The following GTF2IRD1 variants were observed in gnomAD, a reference collection of about 807,000 sequenced individuals.
GTF2IRD1 encodes the protein general transcription factor II-I repeat domain-containing protein 1.
In GTF2IRD1, 26 loss-of-function variants were observed where a neutral mutation model predicts 113.2. The ratio of observed to expected loss-of-function variants is 0.23; its 90% CI spans 0.17 to 0.32. The LOEUF (loss-of-function observed/expected upper bound fraction) is 0.32, where lower values mean the gene tolerates loss of function less well. Ranked by LOEUF, GTF2IRD1 falls within the 10% of genes least tolerant of loss-of-function variation. The pLI, the probability that GTF2IRD1 is intolerant of heterozygous loss-of-function variation, is 1.00. For missense variants in GTF2IRD1, 864 were observed against 1,280.8 expected, an observed-to-expected ratio of 0.67 and a Z score of 4.97; for synonymous variants, 484 against 529.1, an observed-to-expected ratio of 0.91 and a Z score of 1.17.
At position 74,512,805 on chromosome 7, in the gene GTF2IRD1, C is replaced by T; in HGVS notation, c.124-25C>T. On this transcript the variant is annotated intron_variant, in intron 2 of 26. Coordinates refer to ENST00000424337, the MANE Select transcript of GTF2IRD1 (RefSeq NM_005685.4). The surrounding 1 kb of genome is among the most constrained non-coding windows in gnomAD (Gnocchi z 4.4). ...GTTCGGAGTATGGGGAGCCCTTCCG[C>T]TCACACAGCCTGCCCTTCCCACAGT... 1 of 1,611,470 alleles carries T rather than the reference C, an allele frequency of 6.2e-7. No individual in the cohort carries two copies. The highest frequency in any genetic ancestry group is 8.5e-7 in the Non-Finnish European group (1 of 1,178,732).
intron 22 of GTF2IRD1, among the ~76,000 whole-genome samples, chr7:74,565,103 C>T (rs1396876170): frequency 6.6e-6 from 1 of 152,322 alleles, no homozygotes; most frequent in East Asian, 1.9e-4. Flanking sequence ...CCAGAAGGAA[C>T]TCCAGCCCTG....
chr7:74,563,222 C>A (rs1800085727), intron 22 of GTF2IRD1, among the ~76,000 whole-genome samples: 1 of 152,014 alleles, frequency 6.6e-6, no homozygotes, highest in African/African-American at 2.4e-5. Flanking sequence ...GACTGTGGCA[C>A]CCAGCAGGGA....
chr7:74,464,704 T>C (rs1793602490), intron 1 of GTF2IRD1, among the ~76,000 whole-genome samples: 1 of 152,196 alleles, frequency 6.6e-6, no homozygotes, highest in Non-Finnish European at 1.5e-5. Context: ...TGCCTCAGCC[T>C]CCCAAAGTGC....
intron 22 of GTF2IRD1, among the ~76,000 whole-genome samples, chr7:74,568,475 C>T (rs1439138353): frequency 2.6e-5 from 4 of 151,968 alleles, no homozygotes; most frequent in East Asian, 1.9e-4. Context: ...AGTGAAACCC[C>T]GTCTCTACTA....
At chr7:74,574,949 G>A (rs1800939581) in intron 22 of GTF2IRD1, among the ~76,000 whole-genome samples, 1 of 152,074 alleles carries the variant, frequency 6.6e-6, no homozygotes, top group African/African-American at 2.4e-5. Context: ...AATTAGCCCA[G>A]CATCATGACA....
At chr7:74,535,080 C>G (rs186206565) in intron 9 of GTF2IRD1, 33 bp from the exon 10 acceptor site, 148 of 1,606,782 alleles carry the variant, frequency 9.2e-5, no homozygotes, top group Non-Finnish European at 1.2e-4. Context: ...CCAGCCTGCA[C>G]TGTTCTCATG....
intron 5 of GTF2IRD1, among the ~76,000 whole-genome samples, chr7:74,518,873 G>T (rs782542272): frequency 6.6e-6 from 1 of 152,104 alleles, no homozygotes; most frequent in African/African-American, 2.4e-5. Flanking sequence ...GGGCAACAGA[G>T]CAAGACCCCA....
Position 74,543,221 on chromosome 7 carries a change from G to C in GTF2IRD1, c.1619-1534G>C, listed in dbSNP as rs587690076. ...GGAGGCTGAAGCAGGAGAATCACTT[G>C]AACCCAGGAGGCAGAGGTTGCAGTG... On this transcript the variant is annotated intron_variant, in intron 14 of 26. Coordinates refer to ENST00000424337, the MANE Select transcript of GTF2IRD1 (RefSeq NM_005685.4). Among the ~76,000 whole-genome samples the C allele has an allele frequency of 6.3e-4, 96 of 152,276 alleles. 1 individual carries two copies. In the South Asian group the frequency reaches 0.019, roughly 31 times the overall value.
chr7:74,537,446 TATACATACCTACTACATGC>T (rs1330169657), intron 11 of GTF2IRD1, among the ~76,000 whole-genome samples: 8 of 152,026 alleles, frequency 5.3e-5, no homozygotes, highest in South Asian at 2.1e-4. Context: ...TGGATGCATG[TATACATACCTACTACATGC>T]ATACATACCT....
chr7:74,598,750 G>T (rs1250136067), intron 25 of GTF2IRD1, among the ~76,000 whole-genome samples: 3 of 152,166 alleles, frequency 2.0e-5, no homozygotes, highest in Non-Finnish European at 4.4e-5. Flanking sequence ...CATCTCTCAT[G>T]GTGATTCAAG....
intron 3 of GTF2IRD1, among the ~76,000 whole-genome samples, chr7:74,513,599 C>G (rs1796760678): frequency 6.6e-6 from 1 of 152,218 alleles, no homozygotes; most frequent in Non-Finnish European, 1.5e-5. Flanking sequence ...GCCGCCATGC[C>G]TGGCCATGTT....
At chr7:74,546,958 G>A in intron 16 of GTF2IRD1, 145 bp from the exon 17 acceptor site, 2 of 718,038 alleles carry the variant, frequency 2.8e-6, no homozygotes, top group South Asian at 1.8e-5. Context: ...AGGCTGGGGG[G>A]CCACTCTTTC....
At chr7:74,527,796 G>C (rs1171838245) in intron 8 of GTF2IRD1, among the ~76,000 whole-genome samples, 8 of 151,588 alleles carry the variant, frequency 5.3e-5, no homozygotes, top group Non-Finnish European at 1.0e-4. Flanking sequence ...AGCCAAGATT[G>C]TGCCGCTGCA....
intron 1 of GTF2IRD1, among the ~76,000 whole-genome samples, chr7:74,482,724 A>T (rs1794812792): frequency 6.6e-6 from 1 of 152,068 alleles, no homozygotes; most frequent in Non-Finnish European, 1.5e-5. Flanking sequence ...CTGGCTTCAG[A>T]ATGTGGCCTC....
At position 74,531,355 on chromosome 7, in the gene GTF2IRD1, C is replaced by A. The variant is rs587706119; in HGVS notation, c.1274+1438C>A. On this transcript the variant is annotated intron_variant, in intron 9 of 26. Transcript: ENST00000424337. ...AACTGCACTCCAGCCTGGGTGACAG[C>A]GAGAATCCATCTCTAAATAAATAAA... Among the ~76,000 whole-genome samples the A allele has an allele frequency of 2.6e-5, 4 of 152,120 alleles. No homozygotes were observed. The East Asian group carries it at 5.8e-4, about 22-fold the overall frequency.
At chr7:74,473,233 C>T (rs1794207834) in intron 1 of GTF2IRD1, among the ~76,000 whole-genome samples, 1 of 152,170 alleles carries the variant, frequency 6.6e-6, no homozygotes, top group South Asian at 2.1e-4. Flanking sequence ...AAGGGAAGGA[C>T]CCCAGGAGAA....
chr7:74,512,516 G>A lies in GTF2IRD1; in HGVS notation c.124-314G>A, dbSNP rs1290944686. ...CTCCTCCTCATCCAGGACTTGAGAG[G>A]GGCCAAGAAAACCCAGCACGGCATT... is the stretch of plus-strand genomic sequence containing the variant. On this transcript the variant is annotated intron_variant, in intron 2 of 26. Coordinates refer to ENST00000424337, the MANE Select transcript of GTF2IRD1 (RefSeq NM_005685.4). The surrounding 1 kb of genome is among the most constrained non-coding windows in gnomAD (Gnocchi z 4.4). Among the ~76,000 whole-genome samples the A allele has an allele frequency of 2.0e-5, 3 of 152,140 alleles. No individual in the cohort carries two copies. Among genetic ancestry groups the A allele is most frequent in the African/African-American group, 7.2e-5 (3 of 41,432 alleles).
intron 1 of GTF2IRD1, among the ~76,000 whole-genome samples, chr7:74,457,569 C>A (rs746695109): frequency 1.2e-4 from 18 of 152,154 alleles, no homozygotes; most frequent in Non-Finnish European, 2.4e-4. Context: ...CTGGGGCCCC[C>A]TCTCTCCCCA....
At position 74,559,043 on chromosome 7, in the gene GTF2IRD1, A is replaced by G. The variant is rs782694068; in HGVS notation, c.2290A>G (p.Arg764Gly). Reference protein sequence around the residue: ...VADKIKFTVTRPFQGLIPKPD... With the variant: ...VADKIKFTVTGPFQGLIPKPD... ...TGACAAGATCAAGTTCACAGTCACC[A>G]GGTACTCAGTGGGAAGGGTGAGGGT... The change falls in exon 21 of 27, where the codon AGG becomes GGG. Residue 764 changes from arginine (R) to glycine (G), a missense_variant and splice_region_variant. Coordinates refer to ENST00000424337, the MANE Select transcript of GTF2IRD1 (RefSeq NM_005685.4). The G allele has an allele frequency of 1.2e-6, 2 of 1,613,222 alleles. No homozygotes were observed. The highest frequency in any genetic ancestry group is 4.5e-5 in the East Asian group (2 of 44,874).
Sources: gnomAD v4.1 joint callset for allele counts (sites outside exome capture counted in the v4.1 genomes callset) on GRCh38, gnomAD v4.1.1 for gene constraint, Gnocchi (gnomAD v3.1) non-coding constraint, MANE v1.5 for transcripts, NCBI Gene and HGNC (gene_info 2026-07-23, HGNC 2026-07-21) for gene names.